CTNNA3: variants seen among roughly 807,000 people sequenced by gnomAD.
The protein encoded by CTNNA3 is catenin alpha-3.
Under a neutral mutation model 95.7 loss-of-function variants are expected in CTNNA3, and 76 were observed. The ratio of observed to expected loss-of-function variants is 0.79; its 90% CI spans 0.66 to 0.96. The LOEUF (loss-of-function observed/expected upper bound fraction) is 0.96. Ranked by LOEUF, CTNNA3 falls within the 40% of genes least tolerant of loss-of-function variation. The pLI is 0.00. For missense variants in CTNNA3, 1,191 were observed against 1,089.8 expected, an observed-to-expected ratio of 1.09 and a Z score of -1.31; for synonymous variants, 431 against 374.4, an observed-to-expected ratio of 1.15 and a Z score of -1.74.
chr10:67,755,654 T>C (rs780915220), intron 1 of CTNNA3, among the ~76,000 whole-genome samples: 5 of 151,430 alleles, frequency 3.3e-5, no homozygotes, highest in Non-Finnish European at 7.4e-5. Context: ...ATACAAAAAT[T>C]AGCCAGGTGT....
chr10:66,537,078 T>TATA (rs1279438762), intron 10 of CTNNA3, among the ~76,000 whole-genome samples: 2 of 152,050 alleles, frequency 1.3e-5, no homozygotes, highest in African/African-American at 4.8e-5. Flanking sequence ...ACATAAAATA[T>TATA]ATAACTATGG....
At chr10:66,669,533 C>G (rs1189082536) in intron 9 of CTNNA3, among the ~76,000 whole-genome samples, 3 of 151,438 alleles carry the variant, frequency 2.0e-5, no homozygotes, top group Admixed American at 6.6e-5. Context: ...CAGAGCGAGA[C>G]TTTTGTCAAA....
chr10:67,133,342 C>CAT (rs1860126661), intron 7 of CTNNA3, among the ~76,000 whole-genome samples: 2 of 66,328 alleles, frequency 3.0e-5, no homozygotes, highest in South Asian at 5.2e-4. Context: ...CACACACACA[C>CAT]AATGGTAGAT....
intron 15 of CTNNA3, among the ~76,000 whole-genome samples, chr10:65,989,289 G>GTAT (rs1240202627): frequency 1.3e-5 from 2 of 152,010 alleles, no homozygotes; most frequent in East Asian, 1.9e-4. Flanking sequence ...TCAGACTCCA[G>GTAT]TATTATTATT....
At chr10:67,750,548 G>A (rs535392851) in intron 1 of CTNNA3, 1 of 1,578,544 alleles carries the variant, frequency 6.3e-7, no homozygotes, top group Non-Finnish European at 8.7e-7. Flanking sequence ...GAGACCCCTT[G>A]TGAGGAAAGC....
At chr10:66,318,201 A>C (rs1202274146) in intron 12 of CTNNA3, among the ~76,000 whole-genome samples, 1 of 151,590 alleles carries the variant, frequency 6.6e-6, no homozygotes, top group Non-Finnish European at 1.5e-5. Context: ...CAACCAAGTC[A>C]TCTATGAATA....
chr10:66,354,951 T>A (rs986855919), intron 12 of CTNNA3, among the ~76,000 whole-genome samples: 1 of 152,134 alleles, frequency 6.6e-6, no homozygotes, highest in African/African-American at 2.4e-5. Context: ...TCTACACTTA[T>A]CAGTCTTAAC....
intron 10 of CTNNA3, among the ~76,000 whole-genome samples, chr10:66,584,773 A>G (rs1843305279): frequency 1.3e-5 from 2 of 152,100 alleles, no homozygotes; most frequent in South Asian, 4.1e-4. Context: ...TTATTGTTTT[A>G]TAAGCCCTGT....
intron 5 of CTNNA3, among the ~76,000 whole-genome samples, chr10:67,431,516 G>T (rs1013108574): frequency 2.6e-5 from 4 of 151,914 alleles, no homozygotes; most frequent in African/African-American, 9.7e-5. Flanking sequence ...GGCAGAAATA[G>T]AATTCAATCC....
At chr10:67,263,415 T>C (rs913122366) in intron 5 of CTNNA3, among the ~76,000 whole-genome samples, 1 of 152,152 alleles carries the variant, frequency 6.6e-6, no homozygotes, top group African/African-American at 2.4e-5. Context: ...AATGCGTTGA[T>C]TTGTGGCATG....
chr10:66,325,553 GCTT>G (rs924094793), intron 12 of CTNNA3, among the ~76,000 whole-genome samples: 4 of 152,056 alleles, frequency 2.6e-5, no homozygotes, highest in Admixed American at 6.6e-5. Context: ...CCAACAATGA[GCTT>G]CTTAATAATT....
intron 11 of CTNNA3, among the ~76,000 whole-genome samples, chr10:66,412,238 T>G (rs1165463207): frequency 6.6e-6 from 1 of 151,960 alleles, no homozygotes; most frequent in African/African-American, 2.4e-5. Flanking sequence ...GGTCAGAAAA[T>G]AGCATCTTAA....
At chr10:67,657,847 CA>C (rs200763142) in intron 1 of CTNNA3, among the ~76,000 whole-genome samples, 109 of 40,388 alleles carry the variant, frequency 2.7e-3, no homozygotes, top group Non-Finnish European at 3.3e-3. Context: ...AATTCCATCT[CA>C]AAAAAAAAAA....
At chr10:67,298,472 A>G (rs1834059608) in intron 5 of CTNNA3, among the ~76,000 whole-genome samples, 2 of 152,222 alleles carry the variant, frequency 1.3e-5, no homozygotes, top group Non-Finnish European at 2.9e-5. Context: ...TACAGGATTT[A>G]TCTCCCACAC....
chr10:67,564,085 C>T (rs1311267482), intron 3 of CTNNA3, among the ~76,000 whole-genome samples: 2 of 149,692 alleles, frequency 1.3e-5, no homozygotes, highest in Admixed American at 6.7e-5. Context: ...GACAGTGTGG[C>T]GATTCCTTAA....
chr10:67,608,846 T>A (rs1843361073), intron 2 of CTNNA3, among the ~76,000 whole-genome samples: 1 of 152,112 alleles, frequency 6.6e-6, no homozygotes, highest in African/African-American at 2.4e-5. Flanking sequence ...ATCCTAGCAC[T>A]CTGGGAGGCC....
At chr10:66,930,321 C>T (rs1227993898) in intron 7 of CTNNA3, among the ~76,000 whole-genome samples, 1 of 152,188 alleles carries the variant, frequency 6.6e-6, no homozygotes, top group African/African-American at 2.4e-5. Context: ...CAAAAAGTCA[C>T]ATATTTCCAA....
At position 67,387,491 on chromosome 10, in the gene CTNNA3, C is replaced by T. The variant is rs546496886; in HGVS notation, c.579+134351G>A. Among the ~76,000 whole-genome samples the T allele has an allele frequency of 2.6e-3, 399 of 152,300 alleles. 2 individuals are homozygous for T. Among genetic ancestry groups the T allele is most frequent in the Non-Finnish European group, 5.0e-3 (339 of 68,028 alleles). ...AGCAGCGAGGCTGGGGGAGGGGCGC[C>T]CACCATAGCCCAGGCTTGATTAGGT... On this transcript the variant is annotated intron_variant, in intron 5 of 17. Coordinates refer to ENST00000433211, the MANE Select transcript of CTNNA3 (RefSeq NM_013266.4).
intron 17 of CTNNA3, among the ~76,000 whole-genome samples, chr10:65,956,650 G>T (rs1301759489): frequency 6.6e-6 from 1 of 152,180 alleles, no homozygotes; most frequent in Non-Finnish European, 1.5e-5. Context: ...TATATACCCA[G>T]TAGTCATCCA....
Sources: allele counts gnomAD v4.1 joint callset (sites outside exome capture counted in the v4.1 genomes callset), GRCh38; gene constraint gnomAD v4.1.1; transcripts MANE v1.5; gene names NCBI Gene and HGNC (gene_info 2026-07-23, HGNC 2026-07-21).